The following GSE1 variants were observed in gnomAD, a reference collection of about 807,000 sequenced individuals.
The protein encoded by GSE1 is genetic suppressor element 1.
In GSE1, 32 loss-of-function variants were observed where a neutral mutation model predicts 112.6. That is an observed-to-expected ratio of 0.28 (90% confidence interval 0.21 to 0.38). The LOEUF (loss-of-function observed/expected upper bound fraction) is 0.38, where lower values mean the gene tolerates loss of function less well. Among genes scored for constraint, GSE1 ranks in the 10% least tolerant of loss-of-function variants. The pLI is 1.00. For missense variants in GSE1, 2,348 were observed against 1,699.2 expected (o/e 1.38, Z -6.71); for synonymous variants, 1,115 against 735.6 (o/e 1.52, Z -8.35).
chr16:85,572,154 A>C (rs1437361493), intron 1 of GSE1, among the ~76,000 whole-genome samples: 4 of 148,612 alleles, frequency 2.7e-5, no homozygotes, highest in Non-Finnish European at 6.0e-5. Flanking sequence ...ACAACACACC[A>C]CACACACACT....
intron 14 of GSE1, among the ~76,000 whole-genome samples, chr16:85,668,794 C>T (rs1168884047): frequency 6.6e-6 from 1 of 152,236 alleles, no homozygotes; most frequent in Non-Finnish European, 1.5e-5. Context: ...GGCCTGGTCA[C>T]TGCTCCAGCA....
intron 1 of GSE1, among the ~76,000 whole-genome samples, chr16:85,305,066 C>G (rs2968423): frequency 0.031 from 4,671 of 152,274 alleles, 246 homozygotes; most frequent in African/African-American, 0.11. Context: ...CTCCCATTCC[C>G]CTAGGGCACA....
At chr16:85,335,209 C>G (rs948140079) in intron 1 of GSE1, among the ~76,000 whole-genome samples, 3 of 152,236 alleles carry the variant, frequency 2.0e-5, no homozygotes, top group Non-Finnish European at 4.4e-5. Flanking sequence ...TCTCCCTACA[C>G]CCATCCCGGG....
At chr16:85,452,372 C>T (rs542647332) in intron 2 of GSE1, among the ~76,000 whole-genome samples, 3 of 152,302 alleles carry the variant, frequency 2.0e-5, no homozygotes, top group Admixed American at 2.0e-4. Context: ...CCACTCTGGC[C>T]CCCACCTCTC....
intron 2 of GSE1, among the ~76,000 whole-genome samples, chr16:85,466,689 AAT>A (rs56369721): frequency 0.21 from 29,541 of 142,080 alleles, 3,981 homozygotes; most frequent in African/African-American, 0.37. Flanking sequence ...AAAAAAAAGA[AAT>A]ATATATATAT....
chr16:85,348,917 C>G (rs1474135784), intron 1 of GSE1, among the ~76,000 whole-genome samples: 2 of 151,990 alleles, frequency 1.3e-5, no homozygotes, highest in Non-Finnish European at 2.9e-5. Context: ...TCCTGACCCC[C>G]CAGCTGCGGC....
rs1242097733 is a variant in GSE1 at position 85,410,264 on chromosome 16, C to G, written c.2464+52621C>G. Reference sequence around the variant, plus strand: ...GATAATCCTCACTGTTACTCTCAGGCCCCCCGGATAATCCTCACCGTTGCA... The same window carrying G: ...GATAATCCTCACTGTTACTCTCAGGGCCCCCGGATAATCCTCACCGTTGCA... On this transcript the variant is annotated intron_variant, in intron 2 of 2. Transcript: ENST00000637419. Among the ~76,000 whole-genome samples, 42 of 41,268 alleles carry G rather than the reference C, an allele frequency of 1.0e-3. 13 individuals carry two copies. The highest frequency in any genetic ancestry group is 5.3e-3 in the Admixed American group (15 of 2,848). 27.1% of individuals were successfully genotyped at this position (41,268 alleles called of 152,430 possible).
At chr16:85,179,241 A>T (rs747258880) in intron 1 of GSE1, among the ~76,000 whole-genome samples, 2 of 152,026 alleles carry the variant, frequency 1.3e-5, no homozygotes, top group Non-Finnish European at 2.9e-5. Context: ...GTCTCTTGTG[A>T]GTGGAATCAT....
chr16:85,662,189 C>T lies in GSE1; in HGVS notation c.2260+424C>T, dbSNP rs150738247. The T allele has an allele frequency of 1.3e-4, 22 of 170,668 alleles. No homozygotes were observed. In the East Asian group the frequency reaches 1.5e-3, roughly 12 times the overall value. The allele number at this position is 170,668 out of a possible 1,614,324, so 10.6% of individuals were successfully genotyped here. A position where few individuals can be genotyped will look rare whatever the true frequency, so the allele number is the denominator to read the frequency against. On this transcript the variant is annotated intron_variant, in intron 9 of 15. Coordinates refer to ENST00000253458, the MANE Select transcript of GSE1 (RefSeq NM_014615.5). ...GCAGGTGGGTCAGGGGTTGAGGACG[C>T]GGCGGCTGGCACTGCCCCGGGTCAG...
intron 2 of GSE1, among the ~76,000 whole-genome samples, chr16:85,442,891 A>G (rs2049413598): frequency 6.6e-6 from 1 of 152,126 alleles, no homozygotes; most frequent in South Asian, 2.1e-4. Flanking sequence ...CCCGGAGGAA[A>G]TCCATCCTTG....
At chr16:85,415,543 C>T (rs1427919019) in intron 2 of GSE1, among the ~76,000 whole-genome samples, 1 of 152,226 alleles carries the variant, frequency 6.6e-6, no homozygotes, top group African/African-American at 2.4e-5. Flanking sequence ...GGCAGATGGC[C>T]GCCTTCTCAG....
At chr16:85,524,226 G>A (rs1451537751) in intron 2 of GSE1, among the ~76,000 whole-genome samples, 1 of 152,142 alleles carries the variant, frequency 6.6e-6, no homozygotes. Context: ...CTGCCCTTTG[G>A]ATGTCAGCAG....
chr16:85,528,897 G>A (rs943040448), intron 2 of GSE1, among the ~76,000 whole-genome samples: 3 of 152,158 alleles, frequency 2.0e-5, no homozygotes, highest in African/African-American at 7.2e-5. Context: ...CCCTGGGGCG[G>A]GAGTGAAAGC....
intron 1 of GSE1, among the ~76,000 whole-genome samples, chr16:85,263,654 C>T (rs1382646566): frequency 4.6e-5 from 7 of 151,742 alleles, no homozygotes; most frequent in Admixed American, 3.9e-4. Context: ...CTCACTGCAA[C>T]CTCTGCCTCC....
chr16:85,271,140 A>G (rs1309727875), intron 1 of GSE1, among the ~76,000 whole-genome samples: 1 of 151,860 alleles, frequency 6.6e-6, no homozygotes, highest in African/African-American at 2.4e-5. Flanking sequence ...GCCCTTTACT[A>G]GTGTCTGTGG....
intron 1 of GSE1, among the ~76,000 whole-genome samples, chr16:85,569,660 C>A (rs1039668557): frequency 6.6e-6 from 1 of 152,218 alleles, no homozygotes; most frequent in African/African-American, 2.4e-5. Context: ...CCTGGGACTC[C>A]CTAGCTCAGT....
chr16:85,448,087 C>T (rs938273077), intron 2 of GSE1, among the ~76,000 whole-genome samples: 1 of 152,228 alleles, frequency 6.6e-6, no homozygotes, highest in Non-Finnish European at 1.5e-5. Context: ...TCCTCCCAGT[C>T]GTGTACCCAG....
chr16:85,250,250 C>T (rs1188531306), intron 1 of GSE1, among the ~76,000 whole-genome samples: 1 of 152,192 alleles, frequency 6.6e-6, no homozygotes, highest in Non-Finnish European at 1.5e-5. Context: ...TGGACTTTTC[C>T]AGGGAGGCCT....
At chr16:85,414,129 C>T (rs928149159) in intron 2 of GSE1, among the ~76,000 whole-genome samples, 2 of 152,204 alleles carry the variant, frequency 1.3e-5, no homozygotes, top group Admixed American at 6.5e-5. Flanking sequence ...AGGGTGTGCA[C>T]AGCTGGCACT....
Sources: allele counts gnomAD v4.1 joint callset (sites outside exome capture counted in the v4.1 genomes callset), GRCh38; gene constraint gnomAD v4.1.1; transcripts MANE v1.5; gene names NCBI Gene and HGNC (gene_info 2026-07-23, HGNC 2026-07-21).